Variants in CSMD1 observed in about 807,000 individuals in gnomAD.
CSMD1 encodes the protein CUB and Sushi multiple domains 1, also known as CUB and sushi domain-containing protein 1.
A neutral mutation model predicts 417.5 loss-of-function variants in CSMD1; 213 were observed. The ratio of observed to expected loss-of-function variants is 0.51; its 90% CI spans 0.46 to 0.57. The LOEUF (loss-of-function observed/expected upper bound fraction) is 0.57. CSMD1 is among the 20% of genes least tolerant of loss of function. The pLI, the probability that CSMD1 is intolerant of heterozygous loss-of-function variation, is 0.00. For missense variants in CSMD1, 6,923 were observed against 4,529.7 expected, an observed-to-expected ratio of 1.53 and a Z score of -15.17; for synonymous variants, 2,862 against 1,736.8, an observed-to-expected ratio of 1.65 and a Z score of -16.11.
intron 2 of CSMD1, among the ~76,000 whole-genome samples, chr8:4,473,953 G>C (rs1467817772): frequency 6.6e-6 from 1 of 152,078 alleles, no homozygotes; most frequent in Admixed American, 6.6e-5. Context: ...TTTTCTACTG[G>C]GGGGAGGATT....
chr8:3,104,173 G>A (rs1464604390), intron 46 of CSMD1, among the ~76,000 whole-genome samples: 1 of 152,160 alleles, frequency 6.6e-6, no homozygotes, highest in East Asian at 1.9e-4. Context: ...GGATTAAAAT[G>A]TACCTTAAAA....
At chr8:4,217,317 G>C (rs1220896326) in intron 3 of CSMD1, among the ~76,000 whole-genome samples, 4 of 152,204 alleles carry the variant, frequency 2.6e-5, no homozygotes, top group Non-Finnish European at 4.4e-5. Context: ...TGAATCCCCT[G>C]TGTGCCAGGT....
intron 3 of CSMD1, among the ~76,000 whole-genome samples, chr8:4,176,968 C>A (rs1309387039): frequency 2.6e-5 from 4 of 151,604 alleles, no homozygotes; most frequent in African/African-American, 7.3e-5. Flanking sequence ...TAGACTCCCA[C>A]ACAATAAAAA....
chr8:4,341,164 C>T (rs73660757), intron 3 of CSMD1, among the ~76,000 whole-genome samples: 1,559 of 152,102 alleles, frequency 0.01, 21 homozygotes, highest in African/African-American at 0.035. Flanking sequence ...AATTAGTAGG[C>T]GTTGATCATC....
intron 1 of CSMD1, among the ~76,000 whole-genome samples, chr8:4,686,443 G>A (rs1002185225): frequency 2.0e-5 from 3 of 152,230 alleles, no homozygotes; most frequent in African/African-American, 7.2e-5. Context: ...TAGGCCATAA[G>A]TAGGCCTTGT....
chr8:3,327,243 C>T (rs548792054), intron 23 of CSMD1, among the ~76,000 whole-genome samples: 9 of 151,910 alleles, frequency 5.9e-5, no homozygotes, highest in Non-Finnish European at 8.8e-5. Context: ...CCCAGGTTCA[C>T]GCCATTCTCC....
At chr8:4,102,132 A>G (rs1374986198) in intron 3 of CSMD1, among the ~76,000 whole-genome samples, 4 of 152,216 alleles carry the variant, frequency 2.6e-5, no homozygotes, top group Non-Finnish European at 4.4e-5. Flanking sequence ...ATATAAAAAC[A>G]AAAACAACCT....
rs11991165 is a variant in CSMD1, at chr8:4,033,381, G to A, written c.416-1282C>T. The stretch of plus-strand genomic sequence containing the variant: ...GGCGTGAACCCGGGAGGCGGAGCTT[G>A]CGGTGAGCCGAGATCGCACCACTGC... On this transcript the variant is annotated intron_variant, in intron 3 of 69. Transcript: ENST00000635120. Among the ~76,000 whole-genome samples, 277 of 152,252 alleles carry A rather than the reference G, an allele frequency of 1.8e-3. 3 individuals are homozygous for A. The highest frequency in any genetic ancestry group is 6.4e-3 in the African/African-American group (267 of 41,560).
intron 2 of CSMD1, among the ~76,000 whole-genome samples, chr8:4,541,241 CT>C (rs1797369998): frequency 6.6e-6 from 1 of 152,188 alleles, no homozygotes; most frequent in Non-Finnish European, 1.5e-5. Context: ...TACTGTGTGA[CT>C]TAGAGTGAGC....
intron 1 of CSMD1, among the ~76,000 whole-genome samples, chr8:4,797,487 T>G (rs1182624951): frequency 6.6e-6 from 1 of 152,198 alleles, no homozygotes; most frequent in African/African-American, 2.4e-5. Context: ...CAAAAGTCAT[T>G]GTGGTCTTTG....
At chr8:2,959,976 T>G (rs1803317923) in intron 62 of CSMD1, among the ~76,000 whole-genome samples, 1 of 152,176 alleles carries the variant, frequency 6.6e-6, no homozygotes, top group Non-Finnish European at 1.5e-5. Flanking sequence ...GGTGAAGGAT[T>G]TATCCAACCC....
chr8:4,049,946 G>T (rs551071665), intron 3 of CSMD1, among the ~76,000 whole-genome samples: 3 of 152,114 alleles, frequency 2.0e-5, no homozygotes, highest in Non-Finnish European at 2.9e-5. Context: ...TTTACGTGCC[G>T]TTCCTCTTTA....
At chr8:4,734,994 G>C (rs1320029777) in intron 1 of CSMD1, among the ~76,000 whole-genome samples, 2 of 152,198 alleles carry the variant, frequency 1.3e-5, no homozygotes, top group Non-Finnish European at 2.9e-5. Flanking sequence ...ATAAGATGTT[G>C]CTGAGAAGTG....
At chr8:3,611,397 G>C (rs1034185270) in intron 8 of CSMD1, among the ~76,000 whole-genome samples, 9 of 152,118 alleles carry the variant, frequency 5.9e-5, no homozygotes, top group Admixed American at 3.9e-4. Context: ...TTTGAGTTTT[G>C]AGTTGAGCTG....
intron 1 of CSMD1, among the ~76,000 whole-genome samples, chr8:4,914,854 T>C (rs1183796227): frequency 1.3e-5 from 2 of 152,120 alleles, no homozygotes; most frequent in African/African-American, 4.8e-5. Context: ...CCTACTGCTA[T>C]TTCACCTTCA....
chr8:3,880,411 G>C (rs552017156), intron 5 of CSMD1, among the ~76,000 whole-genome samples: 3 of 152,226 alleles, frequency 2.0e-5, no homozygotes, highest in Non-Finnish European at 4.4e-5. Context: ...GACCAAATTA[G>C]CTTCAGTTTC....
At chr8:3,404,207 G>A (rs1023609949) in intron 15 of CSMD1, among the ~76,000 whole-genome samples, 6 of 152,052 alleles carry the variant, frequency 3.9e-5, no homozygotes, top group African/African-American at 7.2e-5. Context: ...GGTGGCAGGT[G>A]TCTGTAGTCC....
intron 5 of CSMD1, among the ~76,000 whole-genome samples, chr8:3,968,854 G>A (rs925035236): frequency 5.3e-5 from 8 of 152,132 alleles, no homozygotes; most frequent in Admixed American, 5.2e-4. Flanking sequence ...GGTTATATTC[G>A]ATCACACATC....
intron 10 of CSMD1, among the ~76,000 whole-genome samples, chr8:3,554,176 G>C (rs1465899704): frequency 6.6e-6 from 1 of 152,206 alleles, no homozygotes; most frequent in Admixed American, 6.5e-5. Flanking sequence ...ACAAGAAGAA[G>C]TTTTTAATGG....
Sources: gnomAD v4.1 joint callset for allele counts (sites outside exome capture counted in the v4.1 genomes callset) on GRCh38, gnomAD v4.1.1 for gene constraint, MANE v1.5 for transcripts, NCBI Gene and HGNC (gene_info 2026-07-23, HGNC 2026-07-21) for gene names.